The following TNXB variants were observed in gnomAD, a reference collection of about 807,000 sequenced individuals.
The protein encoded by TNXB is tenascin-X.
Under a neutral mutation model 340.5 loss-of-function variants are expected in TNXB, and 183 were observed. That is an observed-to-expected ratio of 0.54 (90% CI 0.48 to 0.61). TNXB has a LOEUF of 0.61. Ranked by LOEUF, TNXB falls within the 20% of genes least tolerant of loss-of-function variation. The pLI, the probability that TNXB is intolerant of heterozygous loss-of-function variation, is 0.00. For missense variants in TNXB, 4,613 were observed against 5,446.4 expected (o/e 0.85, Z 4.82); for synonymous variants, 2,121 against 2,314.5 (o/e 0.92, Z 2.40).
Position 32,096,180 on chromosome 6 carries a change from C to G in TNXB, c.1673G>C (p.Ser558Thr), listed in dbSNP as rs1382744307. 1.3e-6 allele frequency: 2 copies of G among 1,568,762 alleles called. No homozygotes were observed. The highest frequency in any genetic ancestry group is 1.7e-6 in the Non-Finnish European group (2 of 1,159,574). Residue 558 changes from serine (S) to threonine (T), a missense_variant, in exon 3 of 44, where the codon AGC becomes ACC. Physicochemically the swap from Ser to Thr is moderately conservative, Grantham distance 58. Transcript: ENST00000644971. ...GYSGEDCSTR[S>T]CPGGCRGRGQ... Reference sequence around the variant, plus strand: ...GCGGCCTCGGCAGCCCCCGGGGCAGCTGCGCGTGCTGCAGTCTTCCCCTGA... The same window carrying G: ...GCGGCCTCGGCAGCCCCCGGGGCAGGTGCGCGTGCTGCAGTCTTCCCCTGA...
rs1780020067 is a variant in TNXB, at chr6:32,090,346, GC to G, written c.2359-968del. On this transcript the variant is annotated intron_variant, in intron 4 of 43. Coordinates refer to ENST00000644971, the MANE Select transcript of TNXB (RefSeq NM_001365276.2). The surrounding 1 kb of genome is among the most constrained non-coding windows in gnomAD (Gnocchi z 4.3). The stretch of plus-strand genomic sequence containing the variant: ...TTAAGGAATTATGATTATGTGTGGT[GC>G]CTCCAAAGGGAATCTACTGGACCCT... Among the ~76,000 whole-genome samples the G allele has an allele frequency of 6.6e-6, 1 of 152,192 alleles. No individual in the cohort carries two copies. Among genetic ancestry groups the G allele is most frequent in the South Asian group, 2.1e-4 (1 of 4,826 alleles).
At chr6:32,104,985 G>A (rs1309735559) in intron 1 of TNXB, among the ~76,000 whole-genome samples, 3 of 151,968 alleles carry the variant, frequency 2.0e-5, no homozygotes, top group Non-Finnish European at 2.9e-5. Flanking sequence ...TCTCACAAAC[G>A]CAATCAGGAT....
At position 32,070,548 on chromosome 6, in the gene TNXB, A is replaced by G; in HGVS notation, c.4991-134T>C. The G allele has an allele frequency of 1.0e-6, 1 of 989,224 alleles. No homozygotes were observed. The highest frequency in any genetic ancestry group is 1.4e-6 in the Non-Finnish European group (1 of 694,878). 61.3% of individuals were successfully genotyped at this position (989,224 alleles called of 1,614,324 possible). A position where few individuals can be genotyped will look rare whatever the true frequency, so the allele number is the denominator to read the frequency against. ...AATATTTCCATCACCTCCCATCCTC[A>G]CCACCATCTCCGTCTGGTCCATGCC... On this transcript the variant is annotated intron_variant, in intron 13 of 43. Transcript: ENST00000644971. This position sits in a 1 kb window ranked among gnomAD's most constrained non-coding sequence, Gnocchi z 6.0.
chr6:32,048,942 C>G (rs1307904192), intron 28 of TNXB, among the ~76,000 whole-genome samples: 1 of 152,208 alleles, frequency 6.6e-6, no homozygotes, highest in African/African-American at 2.4e-5. Context: ...AAGGCACATG[C>G]AGATCTGGGC....
At chr6:32,063,305 T>A (rs577819294) in intron 19 of TNXB, among the ~76,000 whole-genome samples, 1 of 152,054 alleles carries the variant, frequency 6.6e-6, no homozygotes, top group South Asian at 2.1e-4. Flanking sequence ...GGAGAACTGC[T>A]TGGACCTGGG....
chr6:32,057,054 G>T (rs985721257), intron 22 of TNXB, among the ~76,000 whole-genome samples, 151 bp from the exon 23 acceptor site: 1 of 151,886 alleles, frequency 6.6e-6, no homozygotes. Context: ...CTCCTCTCCT[G>T]TGGCCTTTCC....
At chr6:32,055,614 A>G (rs1777575206) in intron 24 of TNXB, among the ~76,000 whole-genome samples, 1 of 152,164 alleles carries the variant, frequency 6.6e-6, no homozygotes, top group African/African-American at 2.4e-5. Flanking sequence ...GTCGTGAAGA[A>G]CTTTGCTACT....
intron 22 of TNXB, among the ~76,000 whole-genome samples, chr6:32,057,317 T>C (rs1414948852): frequency 6.6e-6 from 1 of 152,144 alleles, no homozygotes; most frequent in Non-Finnish European, 1.5e-5. Flanking sequence ...TGGATCCAGC[T>C]CCTCACCAGC....
At position 32,061,406 on chromosome 6, in the gene TNXB, C is replaced by T. The variant is rs2269429; in HGVS notation, c.7483G>A (p.Gly2495Ser). Residue 2495 changes from glycine (G) to serine (S), a missense_variant, in exon 21 of 44, where the codon GGC becomes AGC. Gly to Ser is a moderately conservative substitution (Grantham distance 56). Transcript: ENST00000644971. The surrounding 1 kb of genome is among the most constrained non-coding windows in gnomAD (Gnocchi z 4.4). Reference sequence around the variant, plus strand: ...TCCAAGCACTACTCACCAGTCACGCCCACGGTGGACACCGGGCCCACGCGC... The same window carrying T: ...TCCAAGCACTACTCACCAGTCACGCTCACGGTGGACACCGGGCCCACGCGC... ...GRRVGPVSTV[G>S]VTAPQEDVDE... 0.11 allele frequency: 179,607 copies of T among 1,612,046 alleles called. 14,412 individuals carry two copies. The highest frequency in any genetic ancestry group is 0.34 in the South Asian group (30,917 of 91,028).
intron 6 of TNXB, 96 bp from the exon 7 acceptor site, chr6:32,086,214 C>A (rs1478141622): frequency 1.5e-6 from 2 of 1,364,268 alleles, no homozygotes; most frequent in Admixed American, 2.9e-5. Flanking sequence ...CCTCTAAGAG[C>A]CTTGTTCTAC....
intron 28 of TNXB, among the ~76,000 whole-genome samples, chr6:32,048,901 C>T (rs1777076427): frequency 1.3e-5 from 2 of 152,226 alleles, no homozygotes; most frequent in Admixed American, 6.5e-5. Flanking sequence ...GGTTAGGAAA[C>T]GCCTGCAAAG....
Position 32,086,086 on chromosome 6 carries a change from C to A in TNXB, c.2812G>T (p.Asp938Tyr). The change falls in exon 7 of 44, where the codon GAT becomes TAT. Residue 938 changes from aspartate to tyrosine, a missense_variant. By Grantham distance (160) the Asp-to-Tyr change is radical. This residue lies in a region of TNXB where 4,327 missense variants were observed against 4,859.4 expected (regional missense o/e 0.89). Coordinates refer to ENST00000644971, the MANE Select transcript of TNXB (RefSeq NM_001365276.2). Reference sequence around the variant, plus strand: ...GAGGGGCCTGAGGGAGGAGGCTCATCGGTAGTCCCCAAGAGGCCCAAGGGT... The same window carrying A: ...GAGGGGCCTGAGGGAGGAGGCTCATAGGTAGTCCCCAAGAGGCCCAAGGGT... ...SSPLGLLGTT[D>Y]EPPPSGPSTT... is the part of the protein sequence containing the mutation. 6.4e-7 allele frequency: 1 copy of A among 1,563,782 alleles called. No individual in the cohort carries two copies. Among genetic ancestry groups the A allele is most frequent in the Non-Finnish European group, 8.7e-7 (1 of 1,154,730 alleles).
chr6:32,088,164 C>G (rs1306095929), intron 6 of TNXB, among the ~76,000 whole-genome samples: 1 of 152,178 alleles, frequency 6.6e-6, no homozygotes, highest in African/African-American at 2.4e-5. Flanking sequence ...CGCAGCCCCC[C>G]CATTCCCCTC....
At chr6:32,050,944 G>A (rs1215585220) in intron 26 of TNXB, among the ~76,000 whole-genome samples, 2 of 152,088 alleles carry the variant, frequency 1.3e-5, no homozygotes, top group South Asian at 2.1e-4. Context: ...ACAGCTGCTG[G>A]GGCCATCTCA....
At position 32,084,941 on chromosome 6, in the gene TNXB, T is replaced by C. The variant is rs985872987; in HGVS notation, c.3149-232A>G. Among the ~76,000 whole-genome samples, 19 of 152,178 alleles carry C rather than the reference T, an allele frequency of 1.2e-4. No individual in the cohort carries two copies. The highest frequency in any genetic ancestry group is 4.3e-4 in the African/African-American group (18 of 41,430). Reference sequence around the variant, plus strand: ...ATCCCTCACAAGGTCTTGGTCTCTCTGCACACCAGGATCTTTGCGGGGGTT... The same window carrying C: ...ATCCCTCACAAGGTCTTGGTCTCTCCGCACACCAGGATCTTTGCGGGGGTT... On this transcript the variant is annotated intron_variant, in intron 7 of 43. Transcript: ENST00000644971. This position sits in a 1 kb window ranked among gnomAD's most constrained non-coding sequence, Gnocchi z 5.5.
In TNXB at chr6:32,068,967, GTC is replaced by G; in HGVS notation, c.5755_5756del (p.Asp1919ArgfsTer11). On this transcript the variant is annotated frameshift_variant, in exon 16 of 44. Transcript: ENST00000644971. LOFTEE classifies it high-confidence loss of function. The surrounding 1 kb of genome is among the most constrained non-coding windows in gnomAD (Gnocchi z 5.3). ...CTATGCGGACCATTTGGAGTTGCCC[GTC>G]TCTATCTGTGTACTGGATTTCGAAG... ...DSFEIQYTDR[D>X]GQLQMVRIGG... 6.2e-7 allele frequency: 1 copy of G among 1,612,892 alleles called. No homozygotes were observed. The highest frequency in any genetic ancestry group is 2.2e-5 in the East Asian group (1 of 44,882).
chr6:32,065,223 T>A, intron 18 of TNXB, 106 bp from the exon 19 acceptor site: 2 of 1,023,308 alleles, frequency 2.0e-6, no homozygotes, highest in Non-Finnish European at 2.8e-6. Context: ...GGCCCTAACT[T>A]AAGATCGATT....
rs756816923 is a variant in TNXB at position 32,080,233 on chromosome 6, T to TG, written c.4043-869dup. 1.3e-4 allele frequency among the ~76,000 whole-genome samples: 19 copies of TG among 150,836 alleles called. No individual in the cohort carries two copies. The highest frequency in any genetic ancestry group is 3.4e-3 in the Middle Eastern group (1 of 292). On this transcript the variant is annotated intron_variant, in intron 10 of 43. Transcript: ENST00000644971. This position sits in a 1 kb window ranked among gnomAD's most constrained non-coding sequence, Gnocchi z 4.3. ...TTTGTTTTTGTTTTTTTTTTTGAGA[T>TG]GGAGTCTCACTCTGTCGCCCAGGCT... is the stretch of plus-strand genomic sequence containing the variant.
Position 32,084,520 on chromosome 6 carries a change from C to A in TNXB, c.3338G>T (p.Arg1113Leu), listed in dbSNP as rs764270756. The A allele has an allele frequency of 1.2e-6, 2 of 1,609,194 alleles. No homozygotes were observed. The highest frequency in any genetic ancestry group is 2.2e-5 in the South Asian group (2 of 90,244). ...PQVVPVEGPQ[R>L]SAVITSLDPG... ...ATCCAGGGAGGTGATGACGGCCGAG[C>A]GCTGGGGTCCTTCCACGGGCACCAC... Residue 1113 changes from arginine to leucine, a missense_variant, in exon 8 of 44, where the codon CGC becomes CTC. Arg to Leu is a moderately radical substitution (Grantham distance 102). Coordinates refer to ENST00000644971, the MANE Select transcript of TNXB (RefSeq NM_001365276.2). The surrounding 1 kb of genome is among the most constrained non-coding windows in gnomAD (Gnocchi z 5.5).
Sources: gnomAD v4.1 joint callset for allele counts (sites outside exome capture counted in the v4.1 genomes callset) on GRCh38, gnomAD v4.1.1 for gene constraint, gnomAD v4.1.1 regional missense constraint, Gnocchi (gnomAD v3.1) non-coding constraint, MANE v1.5 for transcripts, NCBI Gene and HGNC (gene_info 2026-07-23, HGNC 2026-07-21) for gene names.